Variants in NEDD4L observed in about 807,000 individuals in gnomAD.
NEDD4L encodes the protein E3 ubiquitin-protein ligase NEDD4-like.
NEDD4L carries 54 observed loss-of-function variants against 148.9 expected under a neutral mutation model. The observed-to-expected ratio is 0.36, with a 90% CI of 0.29 to 0.45. NEDD4L has a LOEUF of 0.45. Among genes scored for constraint, NEDD4L ranks in the 20% least tolerant of loss-of-function variants. The probability of loss-of-function intolerance (pLI) is 1.00; values close to 1 mark genes in which losing one functional copy is unlikely to be tolerated. For synonymous variants in NEDD4L, 433 were observed against 440.7 expected (o/e 0.98, Z 0.22); for missense variants, 856 against 1,233.8 (o/e 0.69, Z 4.59).
intron 1 of NEDD4L, among the ~76,000 whole-genome samples, chr18:58,133,811 T>C (rs182993330): frequency 6.6e-6 from 1 of 152,186 alleles, no homozygotes; most frequent in Admixed American, 6.5e-5. Flanking sequence ...TGGCAAATGG[T>C]AGATGCTCAA....
intron 2 of NEDD4L, among the ~76,000 whole-genome samples, chr18:58,172,416 A>G (rs1317766144): frequency 1.3e-5 from 2 of 152,182 alleles, no homozygotes; most frequent in Admixed American, 1.3e-4. Context: ...ACACGGGGGT[A>G]AGGAAGGAGG....
chr18:58,354,033 A>G (rs930795550), intron 18 of NEDD4L, among the ~76,000 whole-genome samples: 2 of 152,236 alleles, frequency 1.3e-5, no homozygotes, highest in Non-Finnish European at 1.5e-5. Context: ...CAGCCATCAT[A>G]AAGATTTAAT....
rs1186654944 is a variant in NEDD4L, at chr18:58,251,304, T to G, written c.244-697T>G. On this transcript the variant is annotated intron_variant, in intron 4 of 30. Transcript: ENST00000400345. ...ACTTTGAGAGGCCAAGGCATGCAGATAGCTTGAGCCCAGGAGTTCAAAACC... is the reference window on the plus strand; with the variant it reads ...ACTTTGAGAGGCCAAGGCATGCAGAGAGCTTGAGCCCAGGAGTTCAAAACC... 2.0e-5 allele frequency among the ~76,000 whole-genome samples: 3 copies of G among 152,266 alleles called. No individual in the cohort carries two copies. The East Asian group carries it at 5.8e-4, about 29-fold the overall frequency.
chr18:58,063,039 CTT>C (rs74183235), intron 1 of NEDD4L, among the ~76,000 whole-genome samples: 115 of 91,140 alleles, frequency 1.3e-3, no homozygotes, highest in African/African-American at 5.3e-3. Flanking sequence ...TTTATTTGTT[CTT>C]TTTTTTTTTT....
At chr18:58,102,238 G>C (rs944661123) in intron 1 of NEDD4L, among the ~76,000 whole-genome samples, 1 of 152,114 alleles carries the variant, frequency 6.6e-6, no homozygotes, top group African/African-American at 2.4e-5. Context: ...ACAGAGGGGT[G>C]GGGGGTGGTG....
chr18:58,333,796 C>A, intron 11 of NEDD4L, 22 bp from the exon 12 acceptor site: 1 of 1,590,412 alleles, frequency 6.3e-7, no homozygotes, highest in Non-Finnish European at 8.6e-7. Flanking sequence ...TTGATGCTTC[C>A]TGTCTTTTCC....
intron 25 of NEDD4L, among the ~76,000 whole-genome samples, chr18:58,383,954 A>G (rs1374516111): frequency 6.6e-6 from 1 of 152,150 alleles, no homozygotes; most frequent in East Asian, 1.9e-4. Flanking sequence ...GTGTGCTTCA[A>G]ATGCATAACT....
At chr18:58,119,111 T>C (rs2086053865) in intron 1 of NEDD4L, among the ~76,000 whole-genome samples, 1 of 152,220 alleles carries the variant, frequency 6.6e-6, no homozygotes, top group East Asian at 1.9e-4. Context: ...CAGTCTTCAT[T>C]GAAAACACTT....
At chr18:58,249,408 T>G (rs953009743) in intron 4 of NEDD4L, among the ~76,000 whole-genome samples, 6 of 152,314 alleles carry the variant, frequency 3.9e-5, no homozygotes, top group Non-Finnish European at 7.4e-5. Context: ...ATAAAATTAC[T>G]TCTGGAATCT....
chr18:58,044,721 C>G lies in NEDD4L; in HGVS notation c.48+13C>G. The G allele has an allele frequency of 1.9e-6, 3 of 1,604,768 alleles. No homozygotes were observed. The highest frequency in any genetic ancestry group is 2.6e-6 in the Non-Finnish European group (3 of 1,175,690). On this transcript the variant is annotated intron_variant, in intron 1 of 30. Coordinates refer to ENST00000400345, the MANE Select transcript of NEDD4L (RefSeq NM_001144967.3). The stretch of plus-strand genomic sequence containing the variant: ...TTCCGAAGACGAGGTGAGTGGCACC[C>G]CCTTCCTGCTCGGGACTCCCCGGGG...
At chr18:58,232,353 T>C (rs747440171) in intron 2 of NEDD4L, among the ~76,000 whole-genome samples, 2 of 152,220 alleles carry the variant, frequency 1.3e-5, no homozygotes, top group Non-Finnish European at 2.9e-5. Flanking sequence ...GATCCAAATA[T>C]AATAATGTGT....
chr18:58,046,389 T>G (rs754214666), intron 1 of NEDD4L: 4 of 65,266 alleles, frequency 6.1e-5, no homozygotes, highest in Non-Finnish European at 8.7e-5. Context: ...AGGGGCTGCT[T>G]GGGTTGACGT....
At chr18:58,347,654 A>G (rs2043271389) in intron 16 of NEDD4L, among the ~76,000 whole-genome samples, 1 of 152,210 alleles carries the variant, frequency 6.6e-6, no homozygotes, top group Admixed American at 6.5e-5. Context: ...CTTTTAAAAA[A>G]ATATATTGGG....
chr18:58,234,097 C>CTTTCTTTTCT (rs752800938), intron 2 of NEDD4L, among the ~76,000 whole-genome samples: 6 of 83,396 alleles, frequency 7.2e-5, no homozygotes, highest in African/African-American at 1.8e-4. Context: ...TTCTTTCTTT[C>CTTTCTTTTCT]TTTCTTTTCT....
At chr18:58,181,192 A>C (rs1273389613) in intron 2 of NEDD4L, among the ~76,000 whole-genome samples, 2 of 152,108 alleles carry the variant, frequency 1.3e-5, no homozygotes, top group African/African-American at 2.4e-5. Context: ...TTTCCCCTTT[A>C]TTTCTTTCTT....
chr18:58,140,274 A>G (rs2146118740), intron 1 of NEDD4L, among the ~76,000 whole-genome samples: 1 of 152,304 alleles, frequency 6.6e-6, no homozygotes, highest in East Asian at 1.9e-4. Flanking sequence ...TCAAGCCTCC[A>G]CCTATGAATT....
At chr18:58,143,292 G>A (rs577990148) in intron 1 of NEDD4L, among the ~76,000 whole-genome samples, 6 of 152,106 alleles carry the variant, frequency 3.9e-5, no homozygotes, top group African/African-American at 7.2e-5. Context: ...CTGCACCCTC[G>A]ATCTCACAGC....
intron 2 of NEDD4L, chr18:58,221,550 G>C (rs2043776988): frequency 1.0e-6 from 1 of 985,282 alleles, no homozygotes; most frequent in Non-Finnish European, 1.2e-6. Context: ...TATAAGTAGC[G>C]AGCTGGGCGC....
intron 25 of NEDD4L, 30 bp from the exon 26 acceptor site, chr18:58,385,496 G>A (rs750996517): frequency 1.3e-6 from 2 of 1,577,810 alleles, no homozygotes; most frequent in East Asian, 2.2e-5. Context: ...TGATGGAGGT[G>A]GTTCAATATT....
Sources: gnomAD v4.1 joint callset for allele counts (sites outside exome capture counted in the v4.1 genomes callset) on GRCh38, gnomAD v4.1.1 for gene constraint, MANE v1.5 for transcripts, NCBI Gene and HGNC (gene_info 2026-07-23, HGNC 2026-07-21) for gene names.